Variants in KIAA1217 observed in about 807,000 individuals in gnomAD.
KIAA1217 encodes KIAA1217.
A neutral mutation model predicts 163.9 loss-of-function variants in KIAA1217; 88 were observed. The observed-to-expected ratio is 0.54, with a 90% CI of 0.45 to 0.64. The LOEUF is 0.64. KIAA1217 is among the 30% of genes least tolerant of loss of function. The pLI, the probability that KIAA1217 is intolerant of heterozygous loss-of-function variation, is 0.00. For synonymous variants in KIAA1217, 903 were observed against 923.1 expected, an observed-to-expected ratio of 0.98 and a Z score of 0.39; for missense variants, 2,372 against 2,475.0, an observed-to-expected ratio of 0.96 and a Z score of 0.88.
intron 1 of KIAA1217, among the ~76,000 whole-genome samples, chr10:23,704,172 GTATATATATATATATATATATATA>G (rs35533445): frequency 7.5e-5 from 3 of 39,924 alleles, no homozygotes; most frequent in Admixed American, 3.1e-4. Flanking sequence ...GTGTGTGTGT[GTATATATATATATATATATATATA>G]TATATATATA....
At chr10:24,270,495 CA>C (rs2076669570) in intron 2 of KIAA1217, among the ~76,000 whole-genome samples, 1 of 152,174 alleles carries the variant, frequency 6.6e-6, no homozygotes, top group Non-Finnish European at 1.5e-5. Context: ...GAAAATTAGC[CA>C]GCATGAAAAA....
chr10:24,372,172 C>G (rs995649542), intron 2 of KIAA1217, among the ~76,000 whole-genome samples: 1 of 152,148 alleles, frequency 6.6e-6, no homozygotes, highest in Non-Finnish European at 1.5e-5. Context: ...ATCACTGAGA[C>G]AAGTATTGCC....
intron 1 of KIAA1217, among the ~76,000 whole-genome samples, chr10:23,933,476 A>G (rs1222264434): frequency 6.6e-6 from 1 of 152,144 alleles, no homozygotes; most frequent in African/African-American, 2.4e-5. Context: ...AATGATCACT[A>G]AGTTTTTTTC....
intron 2 of KIAA1217, among the ~76,000 whole-genome samples, chr10:24,253,097 G>C (rs904892259): frequency 6.6e-6 from 1 of 152,178 alleles, no homozygotes; most frequent in African/African-American, 2.4e-5. Context: ...GGTGCACACA[G>C]CAAGTGCTGA....
At chr10:23,852,641 C>T (rs1400345952) in intron 1 of KIAA1217, among the ~76,000 whole-genome samples, 3 of 152,284 alleles carry the variant, frequency 2.0e-5, no homozygotes, top group Admixed American at 6.5e-5. Flanking sequence ...TTCTTCCTAC[C>T]CATGAGCATG....
chr10:23,891,727 T>C (rs919002879), intron 1 of KIAA1217, among the ~76,000 whole-genome samples: 1 of 152,012 alleles, frequency 6.6e-6, no homozygotes, highest in East Asian at 1.9e-4. Flanking sequence ...TGATTCATTA[T>C]GTTTTTAGTG....
intron 9 of KIAA1217, among the ~76,000 whole-genome samples, chr10:24,508,258 C>T (rs1357430057): frequency 2.6e-5 from 4 of 152,034 alleles, no homozygotes; most frequent in African/African-American, 4.8e-5. Context: ...ACAGAAAAAT[C>T]GTATTTCAAT....
chr10:23,969,108 C>T (rs1845193230), intron 1 of KIAA1217, among the ~76,000 whole-genome samples: 2 of 152,166 alleles, frequency 1.3e-5, no homozygotes, highest in Admixed American at 1.3e-4. Context: ...GATCTCGGCT[C>T]ACTGCAACCT....
intron 1 of KIAA1217, among the ~76,000 whole-genome samples, chr10:23,793,239 A>G (rs1484675636): frequency 6.6e-6 from 1 of 152,158 alleles, no homozygotes; most frequent in African/African-American, 2.4e-5. Flanking sequence ...TCACAAGGAG[A>G]ACTTCACAAG....
rs183911873 is a variant in KIAA1217, at chr10:24,163,576, C to T, written c.-170-56050C>T. On this transcript the variant is annotated intron_variant, in intron 2 of 18. Transcript: ENST00000376462. ...GTTTTCTTGAAGCTTATTTCTTTTC[C>T]GTTCATTATTCATACTTTAGTAAGT... is the stretch of plus-strand genomic sequence containing the variant. Among the ~76,000 whole-genome samples, 296 of 152,214 alleles carry T rather than the reference C, an allele frequency of 1.9e-3. 2 individuals carry two copies. The highest frequency in any genetic ancestry group is 3.5e-3 in the Non-Finnish European group (235 of 68,012).
chr10:24,159,787 A>T (rs1440960254), intron 2 of KIAA1217, among the ~76,000 whole-genome samples: 2 of 152,182 alleles, frequency 1.3e-5, no homozygotes, highest in Non-Finnish European at 2.9e-5. Context: ...CGTCTCAAAA[A>T]AAAAAATAGT....
At position 23,722,928 on chromosome 10, in the gene KIAA1217, C is replaced by A. The variant is rs560067307; in HGVS notation, c.-321+27694C>A. Among the ~76,000 whole-genome samples, 3 of 152,312 alleles carry A rather than the reference C, an allele frequency of 2.0e-5. No homozygotes were observed. In the East Asian group the frequency reaches 5.8e-4, roughly 29 times the overall value. On this transcript the variant is annotated intron_variant, in intron 1 of 18. Coordinates refer to the KIAA1217 transcript ENST00000376462. ...GGGTCCAGCTGTTCCTCTGTTCCTCCCTTTATTCTGCCATATCCTGAGTGT... is the reference window on the plus strand; with the variant it reads ...GGGTCCAGCTGTTCCTCTGTTCCTCACTTTATTCTGCCATATCCTGAGTGT...
rs151187216 is a variant in KIAA1217, at chr10:24,513,369, C to T, written c.2112C>T (p.Arg704=). The change falls in exon 10 of 21, where the codon CGC becomes CGT. Residue 704 remains arginine, a synonymous_variant. Transcript: ENST00000376454. ...TGGAGGATCCCGTGCAGCGACAGCG[C>T]GTCCTAGTGGAGCAAGAGAGACAAA... ...KRLEDPVQRQ[R]VLVEQERQKY... is the part of the protein sequence containing the mutation. The T allele has an allele frequency of 2.7e-4, 429 of 1,614,044 alleles. No homozygotes were observed. Among genetic ancestry groups the T allele is most frequent in the Non-Finnish European group, 3.5e-4 (413 of 1,180,042 alleles).
intron 1 of KIAA1217, among the ~76,000 whole-genome samples, chr10:23,785,312 G>C (rs1313259465): frequency 1.3e-5 from 2 of 152,086 alleles, no homozygotes; most frequent in South Asian, 2.1e-4. Context: ...GGAGTCAACT[G>C]CTCTGTGAAG....
chr10:24,367,351 C>T (rs1308053934), intron 2 of KIAA1217, among the ~76,000 whole-genome samples: 1 of 152,180 alleles, frequency 6.6e-6, no homozygotes, highest in Non-Finnish European at 1.5e-5. Flanking sequence ...CTATCAGAGC[C>T]AAGTGCTTGT....
chr10:23,933,114 A>T (rs1229233626), intron 1 of KIAA1217, among the ~76,000 whole-genome samples: 1 of 152,230 alleles, frequency 6.6e-6, no homozygotes, highest in Non-Finnish European at 1.5e-5. Context: ...TACTTCTCAT[A>T]TAATAAAATC....
Position 24,501,471 on chromosome 10 carries a change from C to T in KIAA1217, c.1927C>T (p.His643Tyr). ...QPPPVGTSAI[H>Y]MSLLEMRRSV... The stretch of plus-strand genomic sequence containing the variant: ...TCCACCTGTGGGCACCTCAGCCATC[C>T]ACATGAGCCTGCTTGAGATGAGGCG... Residue 643 changes from histidine (H) to tyrosine (Y), a missense_variant, in exon 9 of 21, where the codon CAC becomes TAC. His to Tyr is a moderately conservative substitution (Grantham distance 83, BLOSUM62 2). This residue lies in a region of KIAA1217 where 1,431 missense variants were observed against 1,470.3 expected (regional missense o/e 0.97). Transcript: ENST00000376454. 6.2e-7 allele frequency: 1 copy of T among 1,614,018 alleles called. No homozygotes were observed. Among genetic ancestry groups the T allele is most frequent in the Non-Finnish European group, 8.5e-7 (1 of 1,179,960 alleles).
intron 1 of KIAA1217, among the ~76,000 whole-genome samples, chr10:23,978,164 G>A (rs560864688): frequency 6.6e-6 from 1 of 152,314 alleles, no homozygotes; most frequent in South Asian, 2.1e-4. Flanking sequence ...GATTTCGGAT[G>A]AGGAATGGTT....
At chr10:24,503,281 ACT>A (rs1424865077) in intron 9 of KIAA1217, among the ~76,000 whole-genome samples, 1 of 152,158 alleles carries the variant, frequency 6.6e-6, no homozygotes, top group African/African-American at 2.4e-5. Context: ...TCCAAAGGCT[ACT>A]CTGTCTCTTA....
Sources: gnomAD v4.1 joint callset for allele counts (sites outside exome capture counted in the v4.1 genomes callset) on GRCh38, gnomAD v4.1.1 for gene constraint, gnomAD v4.1.1 regional missense constraint, MANE v1.5 for transcripts, NCBI Gene and HGNC (gene_info 2026-07-23, HGNC 2026-07-21) for gene names.